The following MGAM variants were observed in gnomAD, a reference collection of about 807,000 sequenced individuals.
MGAM encodes alpha-1,4-glucosidase.
A neutral mutation model predicts 358.8 loss-of-function variants in MGAM; 253 were observed. The observed-to-expected ratio is 0.71, with a 90% CI of 0.64 to 0.78. MGAM has a LOEUF of 0.78. MGAM is among the 30% of genes least tolerant of loss of function. The pLI is 0.00. For missense variants in MGAM, 3,080 were observed against 3,432.6 expected, an observed-to-expected ratio of 0.90 and a Z score of 2.57; for synonymous variants, 1,105 against 1,227.1, an observed-to-expected ratio of 0.90 and a Z score of 2.08.
At chr7:142,095,907 A>G (rs1188793664) in intron 64 of MGAM, 194 bp downstream of exon 64, 7 of 901,008 alleles carry the variant, frequency 7.8e-6, no homozygotes, top group African/African-American at 1.7e-5. Flanking sequence ...TATTGATTGA[A>G]TGAGCAAAAC....
rs551921132 is a variant in MGAM at position 142,034,753 on chromosome 7, A to G, written c.1871A>G (p.His624Arg). The G allele has an allele frequency of 1.8e-5, 29 of 1,613,568 alleles. No individual in the cohort carries two copies. In the South Asian group the frequency reaches 3.0e-4, roughly 16 times the overall value. Residue 624 changes from histidine (H) to arginine (R), a missense_variant, in exon 16 of 71, where the codon CAT (histidine) becomes CGT (arginine). By Grantham distance (29) the His-to-Arg change is conservative. Transcript: ENST00000475668. ...GCGGGCTCTGGCAAGTTTGCAGCAC[A>G]TTGGTTAGGAGACAACACTGCCACC... ...TFAGSGKFAA[H>R]WLGDNTATWD...
At chr7:142,093,656 G>A in intron 60 of MGAM, 106 bp downstream of exon 60, 2 of 1,201,348 alleles carry the variant, frequency 1.7e-6, no homozygotes, top group Non-Finnish European at 2.3e-6. Context: ...GGGTTAAGAA[G>A]ATTCTCATGA....
chr7:142,072,566 A>C (rs945242146), intron 44 of MGAM, among the ~76,000 whole-genome samples: 5 of 146,230 alleles, frequency 3.4e-5, no homozygotes, highest in African/African-American at 1.2e-4. Context: ...GTAGTATCTG[A>C]AGTGTTTAGG....
rs371426689 is a variant in MGAM at position 142,055,582 on chromosome 7, T to C, written c.3339T>C (p.Phe1113=). The stretch of plus-strand genomic sequence containing the variant: ...GTTGGGACTCTCAGCTCCTTGGCTT[T>C]ACCTTCAGTGACATGTTTATCCGCA... ...TIIWDSQLLG[F]TFSDMFIRIS... The change falls in exon 28 of 71, where the codon TTT becomes TTC. Residue 1113 remains phenylalanine (F), a synonymous_variant. Coordinates refer to ENST00000475668, the MANE Select transcript of MGAM (RefSeq NM_001365693.1). 200 of 1,613,962 alleles carry C rather than the reference T, an allele frequency of 1.2e-4. 4 individuals are homozygous for C. The South Asian group carries it at 2.1e-3, about 17-fold the overall frequency.
At chr7:142,006,849 C>A (rs562502480) in intron 2 of MGAM, among the ~76,000 whole-genome samples, 28 of 152,144 alleles carry the variant, frequency 1.8e-4, no homozygotes, top group African/African-American at 6.5e-4. Context: ...TTTGTCAGTC[C>A]TCTTCATTAG....
At chr7:141,994,982 T>G (rs1182070398), upstream of MGAM, among the ~76,000 whole-genome samples, 2 of 152,186 alleles carry the variant, frequency 1.3e-5, no homozygotes, top group Non-Finnish European at 2.9e-5. Context: ...GTTGGGGAAG[T>G]TATGAATTTT....
chr7:142,035,040 G>A (rs749241088), intron 16 of MGAM, among the ~76,000 whole-genome samples, 199 bp downstream of exon 16: 12 of 152,144 alleles, frequency 7.9e-5, no homozygotes, highest in East Asian at 5.8e-4. Flanking sequence ...AAGACAGAAC[G>A]TGCAACTTTG....
intron 33 of MGAM, among the ~76,000 whole-genome samples, 151 bp downstream of exon 33, chr7:142,060,117 T>C (rs1254543386): frequency 6.6e-6 from 1 of 152,280 alleles, no homozygotes; most frequent in Non-Finnish European, 1.5e-5. Context: ...TCTCAATCAA[T>C]ATTTGTTGAT....
At position 142,059,529 on chromosome 7, in the gene MGAM, C is replaced by T. The variant is rs1294587147; in HGVS notation, c.3877C>T (p.Pro1293Ser). 1.2e-6 allele frequency: 2 copies of T among 1,613,068 alleles called. No individual in the cohort carries two copies. The highest frequency in any genetic ancestry group is 1.7e-6 in the Non-Finnish European group (2 of 1,179,178). The change falls in exon 32 of 71, where the codon CCC becomes TCC. Residue 1293 changes from proline (P) to serine (S), a missense_variant. Pro to Ser is a moderately conservative substitution (Grantham distance 74, BLOSUM62 -1). This residue lies in a region of MGAM where 1,816 missense variants were observed against 1,840.5 expected (regional missense o/e 0.99). Coordinates refer to ENST00000475668, the MANE Select transcript of MGAM (RefSeq NM_001365693.1). ...MERQLDFTLSPKFAGFPALIN... is the reference protein window; with the variant it reads ...MERQLDFTLSSKFAGFPALIN... ...GCGGCAGCTGGACTTCACCCTCAGCCCCAAGTTTGCTGGGTTTCCAGCTCT... is the reference window on the plus strand; with the variant it reads ...GCGGCAGCTGGACTTCACCCTCAGCTCCAAGTTTGCTGGGTTTCCAGCTCT...
Position 142,019,281 on chromosome 7 carries a change from G to A in MGAM, c.410G>A (p.Ser137Asn). ...VPWCYYSKNH[S>N]YHVEGNLVNT... ...TGGTGCTACTATTCCAAGAATCATA[G>A]CTACCATGTAGAGGGCAACCTTGTC... The change falls in exon 4 of 71, where the codon AGC (serine) becomes AAC (asparagine). Residue 137 changes from serine to asparagine, a missense_variant. Around this residue, in one of 5 missense-constraint regions of MGAM, gnomAD observed 1,816 missense variants for 1,840.5 expected, o/e 0.99. Transcript: ENST00000475668. The A allele has an allele frequency of 2.5e-6, 4 of 1,613,622 alleles. No homozygotes were observed. The highest frequency in any genetic ancestry group is 3.4e-6 in the Non-Finnish European group (4 of 1,179,720).
rs569567798 is a variant in MGAM at position 142,078,789 on chromosome 7, C to A, written c.5647-19C>A. 8 of 1,540,676 alleles carry A rather than the reference C, an allele frequency of 5.2e-6. No individual in the cohort carries two copies. In the East Asian group the frequency reaches 1.4e-4, roughly 26 times the overall value. ...GACCACATGCTGTGCTGATCTATGA[C>A]TTTGGCCTTACTTTTCAGGCATCCA... On this transcript the variant is annotated intron_variant, in intron 48 of 70. Transcript: ENST00000475668.
rs115785937 is a variant in MGAM, at chr7:142,050,801, A to G, written c.2742A>G (p.Thr914=). ...GGACGGAGGAACCTAGCAATGTTAC[A>G]GTGAAACACAATGGTGTCCCAAGTC... ...ILGTEEPSNV[T]VKHNGVPSQT... The change falls in exon 24 of 71, where the codon ACA becomes ACG. Residue 914 remains threonine (T), a synonymous_variant. Transcript: ENST00000475668. 367 of 1,613,756 alleles carry G rather than the reference A, an allele frequency of 2.3e-4. 3 individuals carry two copies. In the East Asian group the frequency reaches 5.9e-3, roughly 26 times the overall value.
At chr7:142,057,280 A>G (rs1585026824) in intron 30 of MGAM, among the ~76,000 whole-genome samples, 1 of 148,240 alleles carries the variant, frequency 6.7e-6, no homozygotes, top group East Asian at 2.1e-4. Context: ...TGGTGGTGGT[A>G]GTAGTGGTGT....
At chr7:142,037,842 A>G (rs1020121534) in intron 18 of MGAM, among the ~76,000 whole-genome samples, 10 of 152,152 alleles carry the variant, frequency 6.6e-5, no homozygotes, top group Non-Finnish European at 1.5e-4. Context: ...GTGAAATAAG[A>G]ACATTATGGG....
chr7:142,096,119 A>G, intron 64 of MGAM: 1 of 622,430 alleles, frequency 1.6e-6, no homozygotes, highest in South Asian at 2.0e-5. Flanking sequence ...AAGAGAGAAT[A>G]CATCTACATC....
chr7:142,038,571 T>C lies in MGAM; in HGVS notation c.2272T>C (p.Phe758Leu), dbSNP rs1808222061. 2.5e-6 allele frequency: 4 copies of C among 1,611,472 alleles called. No individual in the cohort carries two copies. Among genetic ancestry groups the C allele is most frequent in the Non-Finnish European group, 3.4e-6 (4 of 1,178,848 alleles). Residue 758 changes from phenylalanine (F) to leucine (L), a missense_variant, in exon 19 of 71, where the codon TTC (phenylalanine) becomes CTC (leucine). Transcript: ENST00000475668. ...DNSTWDVHQQ[F>L]LWGPGLLITP... The stretch of plus-strand genomic sequence containing the variant: ...CAGCACTTGGGATGTGCACCAACAG[T>C]TCTTATGGGGGCCCGGCCTCCTCAT...
chr7:142,037,004 T>G lies in MGAM; in HGVS notation c.2231+27T>G, dbSNP rs376060803. On this transcript the variant is annotated intron_variant, in intron 18 of 70. Coordinates refer to ENST00000475668, the MANE Select transcript of MGAM (RefSeq NM_001365693.1). ...TAAGTTCACCTAACCTCCTTAAATT[T>G]TATTAATGCATCTGGAATGACATTG... 23 of 1,596,606 alleles carry G rather than the reference T, an allele frequency of 1.4e-5. No individual in the cohort carries two copies. In the African/African-American group the frequency reaches 3.0e-4, roughly 21 times the overall value.
At chr7:142,096,265 G>A (rs1057147015) in intron 64 of MGAM, 66 bp from the exon 65 acceptor site, 12 of 1,391,240 alleles carry the variant, frequency 8.6e-6, no homozygotes, top group Admixed American at 1.8e-5. Context: ...AACTTGAGGA[G>A]CTTCTTCAGA....
chr7:142,076,066 G>A lies in MGAM; in HGVS notation c.5276-137G>A. On this transcript the variant is annotated intron_variant, in intron 45 of 70. Transcript: ENST00000475668. ...TATACATTGATGAATGAATACAATG[G>A]AATATTATTCATCCATAAGGTAAAG... 3 of 703,762 alleles carry A rather than the reference G, an allele frequency of 4.3e-6. 1 individual carries two copies. The highest frequency in any genetic ancestry group is 7.4e-6 in the Non-Finnish European group (3 of 404,672). 43.6% of individuals were successfully genotyped at this position (703,762 alleles called of 1,614,324 possible). A position where few individuals can be genotyped will look rare whatever the true frequency, so the allele number is the denominator to read the frequency against.
Sources: allele counts gnomAD v4.1 joint callset (sites outside exome capture counted in the v4.1 genomes callset), GRCh38; gene constraint gnomAD v4.1.1; regional missense constraint gnomAD v4.1.1; transcripts MANE v1.5; gene names NCBI Gene and HGNC (gene_info 2026-07-23, HGNC 2026-07-21).